The following EZR variants were observed in gnomAD, a reference collection of about 807,000 sequenced individuals.
EZR encodes the protein cytovillin 2.
A neutral mutation model predicts 74.8 loss-of-function variants in EZR; 40 were observed. The observed-to-expected ratio is 0.53, with a 90% CI of 0.42 to 0.70. The LOEUF is 0.70. Ranked by LOEUF, EZR falls within the 30% of genes least tolerant of loss-of-function variation. EZR has a pLI of 0.00. For missense variants in EZR, 678 were observed against 755.8 expected, an observed-to-expected ratio of 0.90 and a Z score of 1.21; for synonymous variants, 341 against 283.3, an observed-to-expected ratio of 1.20 and a Z score of -2.05.
chr6:158,789,897 G>A (rs1269788447), intron 2 of EZR, among the ~76,000 whole-genome samples: 1 of 152,202 alleles, frequency 6.6e-6, no homozygotes, highest in Non-Finnish European at 1.5e-5. Context: ...TGAGATTATA[G>A]GCATGGGCCA....
In EZR at chr6:158,785,725, ACTCC is replaced by A; in HGVS notation, c.193-146_193-143del. On this transcript the variant is annotated intron_variant, in intron 4 of 13. Transcript: ENST00000367075. Reference sequence around the variant, plus strand: ...TTATTCTTAAAGTCATCTTTTTAGCACTCCAGACAAAAAAAGGTTAGTCAAAAGT... The same window carrying A: ...TTATTCTTAAAGTCATCTTTTTAGCAAGACAAAAAAAGGTTAGTCAAAAGT... The A allele has an allele frequency of 8.3e-6, 9 of 1,088,494 alleles. No homozygotes were observed. In the Admixed American group the frequency reaches 1.7e-4, roughly 20 times the overall value. 67.4% of individuals were successfully genotyped at this position (1,088,494 alleles called of 1,614,324 possible).
chr6:158,769,750 T>G (rs1327701554), intron 11 of EZR, 34 bp downstream of exon 11: 1 of 1,611,588 alleles, frequency 6.2e-7, no homozygotes, highest in African/African-American at 1.3e-5. Flanking sequence ...AGCCTCTCTA[T>G]AATTCAGCAT....
chr6:158,771,610 G>C (rs539877354), intron 8 of EZR, among the ~76,000 whole-genome samples: 1 of 152,320 alleles, frequency 6.6e-6, no homozygotes, highest in African/African-American at 2.4e-5. Flanking sequence ...GTTATGTGTG[G>C]GTATGTAGCA....
chr6:158,819,232 C>T (rs1051057374), intron 1 of EZR, 85 bp downstream of exon 1: 12 of 152,454 alleles, frequency 7.9e-5, no homozygotes, highest in African/African-American at 2.9e-4. Flanking sequence ...GCACCTGCCG[C>T]CGAACCCCGC....
intron 4 of EZR, among the ~76,000 whole-genome samples, chr6:158,786,193 G>T (rs975375750): frequency 6.6e-6 from 1 of 152,180 alleles, no homozygotes; most frequent in African/African-American, 2.4e-5. Context: ...CCAACATGGT[G>T]AAACCCCATC....
intron 7 of EZR, among the ~76,000 whole-genome samples, chr6:158,777,539 C>T (rs1054618458): frequency 9.2e-5 from 14 of 152,212 alleles, no homozygotes; most frequent in East Asian, 1.9e-4. Context: ...CTGGAAATAA[C>T]GACAAATCCT....
chr6:158,781,347 C>T (rs1461311852), intron 7 of EZR, among the ~76,000 whole-genome samples: 4 of 152,166 alleles, frequency 2.6e-5, no homozygotes, highest in Non-Finnish European at 4.4e-5. Context: ...CTGCCCAACA[C>T]CCCAGCATGC....
At position 158,769,824 on chromosome 6, in the gene EZR, T is replaced by G. The variant is rs200958227; in HGVS notation, c.1211A>C (p.Glu404Ala). 8 of 1,614,044 alleles carry G rather than the reference T, an allele frequency of 5.0e-6. 1 individual carries two copies. In the Admixed American group the frequency reaches 1.3e-4, roughly 27 times the overall value. Residue 404 changes from glutamate (E) to alanine (A), a missense_variant, in exon 11 of 14, where the codon GAG becomes GCG. By Grantham distance (107) the Glu-to-Ala change is moderately radical. Transcript: ENST00000367075. The stretch of plus-strand genomic sequence containing the variant: ...CTTTATCTGATCCACCGCCTGTCTC[T>G]CCAGCTCCTCCTTAGCCCGCAGTGC... ...MAALRAKEEL[E>A]RQAVDQIKSQ...
At position 158,787,182 on chromosome 6, in the gene EZR, G is replaced by T; in HGVS notation, c.118C>A (p.Arg40=). The change falls in exon 4 of 14, where the codon CGG becomes AGG. Residue 40 remains arginine (R), a synonymous_variant. Coordinates refer to ENST00000367075, the MANE Select transcript of EZR (RefSeq NM_001111077.2). ...TGGAGGCCAAAGTACCACACTTCCC[G>T]GAGGCCGATAGTCTTTACCACCTGC... ...FDQVVKTIGL[R]EVWYFGLHYV... The T allele has an allele frequency of 6.2e-7, 1 of 1,613,116 alleles. No homozygotes were observed. Among genetic ancestry groups the T allele is most frequent in the Non-Finnish European group, 8.5e-7 (1 of 1,179,200 alleles).
rs895509318 is a variant in EZR at position 158,783,246 on chromosome 6, CG to C, written c.698+273del. ...AGCTGGGGTGGAATCTCAGAGGCAG[CG>C]GGGAGGAGAGGCAGCCTCTGCTCTA... On this transcript the variant is annotated intron_variant, in intron 7 of 13. Coordinates refer to ENST00000367075, the MANE Select transcript of EZR (RefSeq NM_001111077.2). Among the ~76,000 whole-genome samples the C allele has an allele frequency of 5.8e-3, 440 of 75,740 alleles. 2 individuals are homozygous for C. Among genetic ancestry groups the C allele is most frequent in the Non-Finnish European group, 0.014 (351 of 25,494 alleles). 49.7% of individuals were successfully genotyped at this position (75,740 alleles called of 152,430 possible). A position where few individuals can be genotyped will look rare whatever the true frequency, so the allele number is the denominator to read the frequency against.
intron 2 of EZR, among the ~76,000 whole-genome samples, chr6:158,792,161 T>C (rs983009068): frequency 1.3e-5 from 2 of 152,216 alleles, no homozygotes; most frequent in African/African-American, 4.8e-5. Context: ...TTTTTGGTTC[T>C]GAAACAGTTT....
intron 12 of EZR, among the ~76,000 whole-genome samples, chr6:158,768,937 G>A (rs762946209): frequency 6.6e-6 from 1 of 152,170 alleles, no homozygotes. Context: ...GCAGGAGGTC[G>A]TGTTTCAGGC....
intron 2 of EZR, among the ~76,000 whole-genome samples, chr6:158,814,387 A>ACTGCATCACG (rs56043720): frequency 0.52 from 78,810 of 151,332 alleles, 21,499 homozygotes; most frequent in Non-Finnish European, 0.61. Flanking sequence ...TTTCCTCTCG[A>ACTGCATCACG]CGTTACCTAG....
At chr6:158,804,733 G>A (rs542438499) in intron 2 of EZR, among the ~76,000 whole-genome samples, 25 of 150,068 alleles carry the variant, frequency 1.7e-4, no homozygotes, top group African/African-American at 5.9e-4. Context: ...AAATTTAGAA[G>A]CCTGTGAAGA....
At chr6:158,809,597 A>C (rs931678373) in intron 2 of EZR, among the ~76,000 whole-genome samples, 117 of 152,228 alleles carry the variant, frequency 7.7e-4, no homozygotes, top group Non-Finnish European at 2.2e-4. Context: ...TGATGTGCTC[A>C]ACATTGGCTA....
At chr6:158,785,270 A>C in intron 5 of EZR, 39 bp downstream of exon 5, 1 of 1,604,634 alleles carries the variant, frequency 6.2e-7, no homozygotes, top group African/African-American at 1.3e-5. Context: ...CGAGGACGGC[A>C]TGACTGCTCC....
In EZR at chr6:158,783,791, T is replaced by TGCAG. The variant is rs1273852234; in HGVS notation, c.552-129_552-126dup. The TGCAG allele has an allele frequency of 3.6e-5, 39 of 1,076,500 alleles. No homozygotes were observed. The African/African-American group carries it at 5.4e-4, about 15-fold the overall frequency. 66.7% of individuals were successfully genotyped at this position (1,076,500 alleles called of 1,614,324 possible). A position where few individuals can be genotyped will look rare whatever the true frequency, so the allele number is the denominator to read the frequency against. ...GATGGGCTCAATGCTGTGTGCTGCG[T>TGCAG]GCAGGCAGGCAGGGGCCGGGCAGCC... On this transcript the variant is annotated intron_variant, in intron 6 of 13. Coordinates refer to ENST00000367075, the MANE Select transcript of EZR (RefSeq NM_001111077.2).
chr6:158,779,449 C>T (rs1331713530), intron 7 of EZR, among the ~76,000 whole-genome samples: 1 of 152,090 alleles, frequency 6.6e-6, no homozygotes, highest in Non-Finnish European at 1.5e-5. Context: ...TGTTAATTTT[C>T]TTATCTTGGT....
chr6:158,765,830 G>A lies in EZR; in HGVS notation c.*1084C>T, dbSNP rs1300677434. On this transcript the variant is annotated 3_prime_UTR_variant, in exon 14 of 14. Coordinates refer to ENST00000367075, the MANE Select transcript of EZR (RefSeq NM_001111077.2). Reference sequence around the variant, plus strand: ...TCTTAGCTGTGAAGGAGAAAGCAGTGCACGAGAAGGAATGAGTGGGCGGAA... The same window carrying A: ...TCTTAGCTGTGAAGGAGAAAGCAGTACACGAGAAGGAATGAGTGGGCGGAA... 2 of 152,268 alleles carry A rather than the reference G, an allele frequency of 1.3e-5. No homozygotes were observed. The highest frequency in any genetic ancestry group is 2.4e-5 in the African/African-American group (1 of 41,458). 9.4% of individuals were successfully genotyped at this position (152,268 alleles called of 1,614,324 possible).
Sources: gnomAD v4.1 joint callset for allele counts (sites outside exome capture counted in the v4.1 genomes callset) on GRCh38, gnomAD v4.1.1 for gene constraint, MANE v1.5 for transcripts, NCBI Gene and HGNC (gene_info 2026-07-23, HGNC 2026-07-21) for gene names.